IPO11: variants seen among roughly 807,000 people sequenced by gnomAD.
The protein encoded by IPO11 is importin 11.
IPO11 carries 66 observed loss-of-function variants against 143.2 expected under a neutral mutation model. The observed-to-expected ratio is 0.46, with a 90% CI of 0.38 to 0.57. The LOEUF (loss-of-function observed/expected upper bound fraction) is 0.57, where lower values mean the gene tolerates loss of function less well. Among genes scored for constraint, IPO11 ranks in the 20% least tolerant of loss-of-function variants. The probability of loss-of-function intolerance (pLI) is 0.00; values close to 1 mark genes in which losing one functional copy is unlikely to be tolerated. For missense variants in IPO11, 1,026 were observed against 1,141.0 expected (o/e 0.90, Z 1.45); for synonymous variants, 385 against 377.8 (o/e 1.02, Z -0.22).
rs532012857 is a variant in IPO11 at position 62,466,864 on chromosome 5, C to A, written c.517-267C>A. On this transcript the variant is annotated intron_variant, in intron 5 of 29. Transcript: ENST00000325324. ...AGAATATATAAGACTGCAATGCAGG[C>A]ATTTGATGAGGTATTAATATTGTTT... Among the ~76,000 whole-genome samples the A allele has an allele frequency of 2.6e-5, 4 of 152,170 alleles. No individual in the cohort carries two copies. In the South Asian group the frequency reaches 8.3e-4, roughly 32 times the overall value.
Position 62,435,154 on chromosome 5 carries a change from A to ATATATGTATATG in IPO11, c.-6-2115_-6-2114insGTATATGTATAT. Among the ~76,000 whole-genome samples the ATATATGTATATG allele has an allele frequency of 3.2e-5, 2 of 62,706 alleles. 1 individual carries two copies. The highest frequency in any genetic ancestry group is 1.3e-4 in the African/African-American group (2 of 15,188). 41.1% of individuals were successfully genotyped at this position (62,706 alleles called of 152,430 possible). A position where few individuals can be genotyped will look rare whatever the true frequency, so the allele number is the denominator to read the frequency against. On this transcript the variant is annotated intron_variant, in intron 1 of 29. Coordinates refer to ENST00000325324, the MANE Select transcript of IPO11 (RefSeq NM_016338.5). ...TATATATGTATATATGTATATATGT[A>ATATATGTATATG]TATATATGTATATATATGTATATAT...
chr5:62,428,163 C>A (rs1461637536), intron 1 of IPO11, among the ~76,000 whole-genome samples: 1 of 151,946 alleles, frequency 6.6e-6, no homozygotes, highest in African/African-American at 2.4e-5. Flanking sequence ...CTTTTTGGCC[C>A]TGAGTTAACA....
At chr5:62,474,259 A>T (rs560693591) in intron 7 of IPO11, among the ~76,000 whole-genome samples, 157 bp from the exon 8 acceptor site, 1 of 152,226 alleles carries the variant, frequency 6.6e-6, no homozygotes, top group Non-Finnish European at 1.5e-5. Flanking sequence ...CTTGTTTATA[A>T]TAGTGAACTG....
At chr5:62,518,369 G>C (rs1041064214) in intron 20 of IPO11, among the ~76,000 whole-genome samples, 1 of 151,918 alleles carries the variant, frequency 6.6e-6, no homozygotes, top group Admixed American at 6.6e-5. Context: ...GCTTGAACCT[G>C]AGAGGCGGAG....
In IPO11 at chr5:62,435,154, A is replaced by ATATATATG. The variant is rs1561308987; in HGVS notation, c.-6-2112_-6-2105dup. On this transcript the variant is annotated intron_variant, in intron 1 of 29. Transcript: ENST00000325324. The stretch of plus-strand genomic sequence containing the variant: ...TATATATGTATATATGTATATATGT[A>ATATATATG]TATATATGTATATATATGTATATAT... 3.7e-3 allele frequency among the ~76,000 whole-genome samples: 232 copies of ATATATATG among 62,690 alleles called. 2 individuals carry two copies. The highest frequency in any genetic ancestry group is 7.4e-3 in the Middle Eastern group (1 of 136). 41.1% of individuals were successfully genotyped at this position (62,690 alleles called of 152,430 possible).
intron 28 of IPO11, among the ~76,000 whole-genome samples, chr5:62,592,584 C>CA (rs1441994228): frequency 1.3e-5 from 2 of 152,100 alleles, no homozygotes; most frequent in Non-Finnish European, 2.9e-5. Flanking sequence ...AGTCCATTCT[C>CA]ACGCTGCTAT....
At chr5:62,588,861 T>G (rs1176273622) in intron 27 of IPO11, among the ~76,000 whole-genome samples, 1 of 152,170 alleles carries the variant, frequency 6.6e-6, no homozygotes, top group African/African-American at 2.4e-5. Context: ...GAGCAATCTT[T>G]TTGTCTTTGG....
At chr5:62,530,921 G>A (rs1229429488) in intron 22 of IPO11, 136 bp downstream of exon 22, 6 of 655,364 alleles carry the variant, frequency 9.2e-6, no homozygotes, top group Non-Finnish European at 1.1e-5. Context: ...ATATGTACAC[G>A]TTTGTTACAT....
chr5:62,464,887 A>G (rs1421361358), intron 5 of IPO11, among the ~76,000 whole-genome samples: 1 of 152,254 alleles, frequency 6.6e-6, no homozygotes, highest in Non-Finnish European at 1.5e-5. Context: ...GTTAACAGGT[A>G]GTTTTAAGGA....
At chr5:62,573,769 A>T (rs1744223738) in intron 27 of IPO11, among the ~76,000 whole-genome samples, 2 of 152,356 alleles carry the variant, frequency 1.3e-5, no homozygotes, top group Non-Finnish European at 2.9e-5. Context: ...ACAGTGGTCA[A>T]TTTGACTAGT....
chr5:62,504,825 A>G (rs1469205540), intron 17 of IPO11, 33 bp from the exon 18 acceptor site: 5 of 1,454,080 alleles, frequency 3.4e-6, no homozygotes, highest in African/African-American at 2.9e-5. Context: ...GATAAAACTT[A>G]TATATTCTCA....
At chr5:62,451,451 C>T (rs1744921420) in intron 4 of IPO11, among the ~76,000 whole-genome samples, 1 of 152,144 alleles carries the variant, frequency 6.6e-6, no homozygotes, top group African/African-American at 2.4e-5. Flanking sequence ...ATATCTGCTT[C>T]TTCATTTACT....
chr5:62,620,757 T>C (rs1026266895), intron 29 of IPO11, among the ~76,000 whole-genome samples: 1 of 152,214 alleles, frequency 6.6e-6, no homozygotes, highest in African/African-American at 2.4e-5. Flanking sequence ...ATGTCTCTTA[T>C]CAGACTTAAG....
intron 27 of IPO11, among the ~76,000 whole-genome samples, chr5:62,586,766 A>ATCTATATAT (rs1474461126): frequency 1.3e-5 from 1 of 76,236 alleles, no homozygotes; most frequent in African/African-American, 5.5e-5. Context: ...AAAAAAAAAA[A>ATCTATATAT]AAATATATAT....
intron 26 of IPO11, among the ~76,000 whole-genome samples, chr5:62,551,603 T>A (rs973852141): frequency 2.6e-5 from 4 of 152,212 alleles, no homozygotes; most frequent in Non-Finnish European, 4.4e-5. Context: ...TTATAGCTGC[T>A]GTTTTTCTTC....
At chr5:62,473,117 A>G (rs1182610684) in intron 7 of IPO11, among the ~76,000 whole-genome samples, 1 of 152,212 alleles carries the variant, frequency 6.6e-6, no homozygotes, top group Non-Finnish European at 1.5e-5. Flanking sequence ...ATGCTTTAAA[A>G]AGACAGAAAT....
At chr5:62,608,351 A>G (rs1191317380) in intron 29 of IPO11, among the ~76,000 whole-genome samples, 2 of 152,156 alleles carry the variant, frequency 1.3e-5, no homozygotes, top group Non-Finnish European at 2.9e-5. Context: ...GACTTACTGT[A>G]TCTGGGGGCC....
At chr5:62,558,179 A>G (rs1046316315) in intron 26 of IPO11, among the ~76,000 whole-genome samples, 1 of 152,238 alleles carries the variant, frequency 6.6e-6, no homozygotes, top group Non-Finnish European at 1.5e-5. Context: ...AATGACTTTA[A>G]TAAGTGTTAT....
In IPO11 at chr5:62,434,453, C is replaced by T. The variant is rs76232354; in HGVS notation, c.-6-2821C>T. Among the ~76,000 whole-genome samples the T allele has an allele frequency of 4.9e-3, 750 of 152,050 alleles. 1 individual carries two copies. Among genetic ancestry groups the T allele is most frequent in the Non-Finnish European group, 7.5e-3 (512 of 67,982 alleles). ...TAGTAGCTGGGACTACAAGTGCACA[C>T]CACACCTGGGTAATTTTTGTATTTT... On this transcript the variant is annotated intron_variant, in intron 1 of 29. Coordinates refer to ENST00000325324, the MANE Select transcript of IPO11 (RefSeq NM_016338.5).
Sources: allele counts gnomAD v4.1 joint callset (sites outside exome capture counted in the v4.1 genomes callset), GRCh38; gene constraint gnomAD v4.1.1; transcripts MANE v1.5; gene names NCBI Gene and HGNC (gene_info 2026-07-23, HGNC 2026-07-21).